Variants in PHKA1 observed in about 807,000 individuals in gnomAD.
PHKA1 encodes phosphorylase b kinase regulatory subunit alpha, skeletal muscle isoform.
A neutral mutation model predicts 110.2 loss-of-function variants in PHKA1; 60 were observed. The ratio of observed to expected loss-of-function variants is 0.54; its 90% CI spans 0.44 to 0.68. PHKA1 has a LOEUF of 0.68. Among genes scored for constraint, PHKA1 ranks in the 30% least tolerant of loss-of-function variants. The pLI, the probability that PHKA1 is intolerant of heterozygous loss-of-function variation, is 0.00. For missense variants in PHKA1, 801 were observed against 942.5 expected (o/e 0.85, Z 1.97); for synonymous variants, 316 against 333.6 (o/e 0.95, Z 0.58).
chrX:72,667,386 G>A lies in PHKA1; in HGVS notation c.706C>T (p.Gln236Ter). The A allele has an allele frequency of 8.3e-7, 1 of 1,200,678 alleles. No homozygotes were observed. The highest frequency in any genetic ancestry group is 1.1e-6 in the Non-Finnish European group (1 of 885,550). The part of the protein sequence containing the change: ...SVIHVLADEV[Q>*]HCQSILNSLL... ...CCATAATATTTTACCTGGCAGTGCT[G>A]TACTTCATCAGCCAGGACATGGATA... The change falls in exon 7 of 32, where the codon CAG becomes TAG. Residue 236 changes from glutamine to a stop codon, truncating the protein, a stop_gained. Transcript: ENST00000373542. LOFTEE classifies it high-confidence loss of function.
intron 5 of PHKA1, among the ~76,000 whole-genome samples, chrX:72,681,150 A>G (rs1556314700): frequency 3.4e-5 from 3 of 89,123 alleles, no homozygotes; most frequent in African/African-American, 1.2e-4. Context: ...CCATCGTCTG[A>G]GATGTGGGGA....
intron 15 of PHKA1, among the ~76,000 whole-genome samples, chrX:72,635,716 G>A (rs1283736671): frequency 9.0e-6 from 1 of 111,572 alleles, no homozygotes; most frequent in Non-Finnish European, 1.9e-5. Context: ...AATGTAAGAT[G>A]ACAAATGGGG....
intron 21 of PHKA1, among the ~76,000 whole-genome samples, chrX:72,617,352 T>C (rs1317011652): frequency 9.0e-6 from 1 of 110,849 alleles, no homozygotes; most frequent in African/African-American, 3.3e-5. Context: ...CTCATTTCTA[T>C]AAATAATTAA....
chrX:72,616,211 A>G (rs1412175771), intron 21 of PHKA1, among the ~76,000 whole-genome samples: 2 of 111,027 alleles, frequency 1.8e-5, no homozygotes, highest in Non-Finnish European at 3.8e-5. Flanking sequence ...GCAAAAAAAA[A>G]TTAAAAATCA....
In PHKA1 at chrX:72,623,136, T is replaced by C; in HGVS notation, c.1933A>G (p.Met645Val). ...NYDYLESGNW[M>V]NDYDSTSHAR... The stretch of plus-strand genomic sequence containing the variant: ...TGACTGGTTGAATCATAATCATTCA[T>C]CCAGTTGCCAGATTCCAGGTAATCA... Residue 645 changes from methionine to valine, a missense_variant, in exon 18 of 32, where the codon ATG becomes GTG. Transcript: ENST00000373542. The C allele has an allele frequency of 8.3e-7, 1 of 1,211,019 alleles. No homozygotes were observed. The highest frequency in any genetic ancestry group is 1.1e-6 in the Non-Finnish European group (1 of 894,945).
chrX:72,618,563 C>T, intron 21 of PHKA1, 147 bp downstream of exon 21: 1 of 477,579 alleles, frequency 2.1e-6, no homozygotes, highest in Non-Finnish European at 3.7e-6. Flanking sequence ...ATGAGGACAA[C>T]TGAGGGTTTG....
intron 22 of PHKA1, among the ~76,000 whole-genome samples, chrX:72,610,002 A>G (rs1603255021): frequency 9.0e-6 from 1 of 111,163 alleles, no homozygotes; most frequent in Admixed American, 9.6e-5. Flanking sequence ...GATAAATAAG[A>G]GTTATACATA....
intron 9 of PHKA1, among the ~76,000 whole-genome samples, chrX:72,657,028 T>C (rs1556301758): frequency 8.9e-6 from 1 of 112,126 alleles, no homozygotes; most frequent in Non-Finnish European, 1.9e-5. Flanking sequence ...TTAAACAATG[T>C]TTCCATTACC....
chrX:72,603,245 G>A lies in PHKA1; in HGVS notation c.2816-25C>T, dbSNP rs782690754. 277 of 997,422 alleles carry A rather than the reference G, an allele frequency of 2.8e-4. No homozygotes were observed. In the South Asian group the frequency reaches 3.8e-3, roughly 14 times the overall value. The allele number at this position is 997,422 out of a possible 1,213,427, so 82.2% of individuals were successfully genotyped here. ...GCTAGTCAGCAGAAATGTTAGAACAGAAGGACTTCTAATTTGCCTGCCATG... is the reference window on the plus strand; with the variant it reads ...GCTAGTCAGCAGAAATGTTAGAACAAAAGGACTTCTAATTTGCCTGCCATG... On this transcript the variant is annotated intron_variant, in intron 25 of 31. Coordinates refer to ENST00000373542, the MANE Select transcript of PHKA1 (RefSeq NM_002637.4).
intron 29 of PHKA1, among the ~76,000 whole-genome samples, chrX:72,592,815 G>A (rs1244620337): frequency 1.8e-5 from 2 of 112,361 alleles, no homozygotes; most frequent in Non-Finnish European, 3.8e-5. Context: ...TTGATTAGCA[G>A]CAAATGTATC....
intron 30 of PHKA1, 34 bp from the exon 31 acceptor site, chrX:72,582,632 A>G: frequency 1.1e-6 from 1 of 947,624 alleles, no homozygotes; most frequent in Non-Finnish European, 1.5e-6. Flanking sequence ...ACTTCCTAAG[A>G]GTCCATCATC....
chrX:72,631,763 T>A (rs1289032892), intron 16 of PHKA1, among the ~76,000 whole-genome samples: 2 of 111,491 alleles, frequency 1.8e-5, no homozygotes, highest in Admixed American at 9.5e-5. Flanking sequence ...TTTTCTTATG[T>A]TTGTTTTATA....
chrX:72,591,734 A>G (rs1408916629), intron 29 of PHKA1, among the ~76,000 whole-genome samples: 1 of 112,143 alleles, frequency 8.9e-6, no homozygotes, highest in Non-Finnish European at 1.9e-5. Context: ...AACTCTAAAT[A>G]TCTTTATAAC....
rs782387067 is a variant in PHKA1 at position 72,602,038 on chromosome X, T to C, written c.3034-9A>G. On this transcript the variant is annotated splice_polypyrimidine_tract_variant and intron_variant, in intron 27 of 31. Transcript: ENST00000373542. ...AGTCTACGAAATTCCACCTGAAACATAAATGGCTCAAATTAAACTCAGAAT... is the reference window on the plus strand; with the variant it reads ...AGTCTACGAAATTCCACCTGAAACACAAATGGCTCAAATTAAACTCAGAAT... The C allele has an allele frequency of 2.5e-6, 3 of 1,188,803 alleles. No individual in the cohort carries two copies. The highest frequency in any genetic ancestry group is 3.4e-6 in the Non-Finnish European group (3 of 875,787).
At chrX:72,711,197 G>C (rs1282754041) in intron 2 of PHKA1, among the ~76,000 whole-genome samples, 1 of 111,414 alleles carries the variant, frequency 9.0e-6, no homozygotes, top group African/African-American at 3.3e-5. Context: ...ATAAGAAAAA[G>C]TGTTAACATT....
chrX:72,639,026 C>T (rs2053263565), intron 14 of PHKA1, among the ~76,000 whole-genome samples: 1 of 112,098 alleles, frequency 8.9e-6, no homozygotes, highest in African/African-American at 3.2e-5. Flanking sequence ...TTCAGCCATT[C>T]CAGTTATTGT....
intron 28 of PHKA1, among the ~76,000 whole-genome samples, chrX:72,594,163 C>T (rs1484709041): frequency 3.6e-5 from 4 of 110,307 alleles, no homozygotes; most frequent in Non-Finnish European, 5.7e-5. Flanking sequence ...CAGCACTTAA[C>T]GAACAATTTA....
intron 23 of PHKA1, among the ~76,000 whole-genome samples, chrX:72,606,211 T>C (rs1249300155): frequency 8.9e-6 from 1 of 111,927 alleles, no homozygotes; most frequent in African/African-American, 3.3e-5. Flanking sequence ...AACATTAGAA[T>C]GTATTCCTTC....
chrX:72,681,505 G>GC (rs1442693964), intron 5 of PHKA1, among the ~76,000 whole-genome samples: 2 of 86,433 alleles, frequency 2.3e-5, no homozygotes, highest in Non-Finnish European at 4.8e-5. Flanking sequence ...GGGGGGGTCA[G>GC]CCCCCCGCCT....
Sources: allele counts gnomAD v4.1 joint callset (sites outside exome capture counted in the v4.1 genomes callset), GRCh38; gene constraint gnomAD v4.1.1; transcripts MANE v1.5; gene names NCBI Gene and HGNC (gene_info 2026-07-23, HGNC 2026-07-21).